Variants in CCDC136 observed in about 807,000 individuals in gnomAD.
CCDC136 encodes the protein coiled-coil domain-containing protein 136.
A neutral mutation model predicts 141.2 loss-of-function variants in CCDC136; 100 were observed. The ratio of observed to expected loss-of-function variants is 0.71; its 90% confidence interval spans 0.60 to 0.84. The LOEUF (loss-of-function observed/expected upper bound fraction) is 0.84. CCDC136 is among the 40% of genes least tolerant of loss of function. The pLI, the probability that CCDC136 is intolerant of heterozygous loss-of-function variation, is 0.00. For synonymous variants in CCDC136, 474 were observed against 531.9 expected, an observed-to-expected ratio of 0.89 and a Z score of 1.50; for missense variants, 1,206 against 1,379.4, an observed-to-expected ratio of 0.87 and a Z score of 1.99.
chr7:128,791,220 GCCCCGCGGCT>G (rs1802121433), upstream of CCDC136, among the ~76,000 whole-genome samples: 1 of 152,154 alleles, frequency 6.6e-6, no homozygotes, highest in Non-Finnish European at 1.5e-5. The surrounding 1 kb of genome is among the most constrained non-coding windows in gnomAD (Gnocchi z 7.1). Context: ...CGCTGTCCGG[GCCCCGCGGCT>G]CCCCGCGCTC....
chr7:128,809,242 G>A, intron 10 of CCDC136: 1 of 525,814 alleles, frequency 1.9e-6, no homozygotes, highest in South Asian at 2.5e-5. Flanking sequence ...CCAGTCTAGA[G>A]CAACCTGCTC....
Position 128,795,404 on chromosome 7 carries a change from G to C in CCDC136, c.346+636G>C, listed in dbSNP as rs917191142. Among the ~76,000 whole-genome samples, 7 of 152,178 alleles carry C rather than the reference G, an allele frequency of 4.6e-5. No individual in the cohort carries two copies. In the Middle Eastern group the frequency reaches 0.01, roughly 222 times the overall value. Reference sequence around the variant, plus strand: ...CTTTTGTTACTTCTGTGGGCCTCCGGAAGGTTTAGGGGAGCTGCCCTAGAA... The same window carrying C: ...CTTTTGTTACTTCTGTGGGCCTCCGCAAGGTTTAGGGGAGCTGCCCTAGAA... On this transcript the variant is annotated intron_variant, in intron 3 of 17. Transcript: ENST00000297788.
At position 128,805,437 on chromosome 7, in the gene CCDC136, G is replaced by T; in HGVS notation, c.861G>T (p.Met287Ile). 6.2e-7 allele frequency: 1 copy of T among 1,613,926 alleles called. No individual in the cohort carries two copies. The highest frequency in any genetic ancestry group is 8.5e-7 in the Non-Finnish European group (1 of 1,179,838). ...CAGCAGAGTCTCAGACTTCAGAAATGGATTTCTTAGAGCCTGATCCTGAAA... is the reference window on the plus strand; with the variant it reads ...CAGCAGAGTCTCAGACTTCAGAAATTGATTTCTTAGAGCCTGATCCTGAAA... ...MTSAESQTSEMDFLEPDPEMQ... is the reference protein window; with the variant it reads ...MTSAESQTSEIDFLEPDPEMQ... The change falls in exon 6 of 18, where the codon ATG becomes ATT. Residue 287 changes from methionine (M) to isoleucine (I), a missense_variant. Met to Ile is a conservative substitution (Grantham distance 10). Transcript: ENST00000297788. This position sits in a 1 kb window ranked among gnomAD's most constrained non-coding sequence, Gnocchi z 4.6.
rs578036036 is a variant in CCDC136 at position 128,806,732 on chromosome 7, C to A, written c.1293C>A (p.Asn431Lys). The A allele has an allele frequency of 1.7e-5, 27 of 1,611,516 alleles. No individual in the cohort carries two copies. The highest frequency in any genetic ancestry group is 2.3e-5 in the Non-Finnish European group (27 of 1,179,420). Residue 431 changes from asparagine to lysine, a missense_variant, in exon 9 of 18, where the codon AAC (asparagine) becomes AAA (lysine). Physicochemically the swap from Asn to Lys is moderately conservative, Grantham distance 94 (BLOSUM62 0). Transcript: ENST00000297788. The stretch of plus-strand genomic sequence containing the variant: ...AGAAGCTGCACCTCCAGCACCAGAA[C>A]GTCACATGTGAGAAGGAAAAGCTGC... ...RLQKLHLQHQ[N>K]VTCEKEKLLE...
At position 128,805,985 on chromosome 7, in the gene CCDC136, G is replaced by A; in HGVS notation, c.1089+84G>A. 2 of 1,484,452 alleles carry A rather than the reference G, an allele frequency of 1.3e-6. No homozygotes were observed. Among genetic ancestry groups the A allele is most frequent in the Non-Finnish European group, 1.9e-6 (2 of 1,073,686 alleles). The allele number at this position is 1,484,452 out of a possible 1,614,324, so 92.0% of individuals were successfully genotyped here. On this transcript the variant is annotated intron_variant, in intron 7 of 17. Transcript: ENST00000297788. The surrounding 1 kb of genome is among the most constrained non-coding windows in gnomAD (Gnocchi z 4.6). ...GCTTCAACCGGGGTGGGCACAGTGA[G>A]TATGGCTGTGCTCTGCTGACTCTTG...
chr7:128,806,666 C>T (rs1229934267), intron 8 of CCDC136, 22 bp from the exon 9 acceptor site: 1 of 1,601,994 alleles, frequency 6.2e-7, no homozygotes, highest in East Asian at 2.2e-5. Flanking sequence ...AAAGGCACTG[C>T]CCAAAGCCCC....
chr7:128,799,172 T>TA (rs35342890), intron 3 of CCDC136, among the ~76,000 whole-genome samples: 5,106 of 51,306 alleles, frequency 0.1, 512 homozygotes, highest in African/African-American at 0.14. Flanking sequence ...ATCTCTACAT[T>TA]AAAAAAAAAA....
upstream of CCDC136, chr7:128,791,861 C>A (rs528426230): frequency 1.0e-5 from 4 of 389,400 alleles, no homozygotes; most frequent in South Asian, 2.9e-4. This position sits in a 1 kb window ranked among gnomAD's most constrained non-coding sequence, Gnocchi z 7.1. Flanking sequence ...GACTCCTGAG[C>A]GCGGGGCGAG....
rs1173046607 is a variant in CCDC136 at position 128,815,784 on chromosome 7, T to C, written c.3216T>C (p.Ala1072=). The C allele has an allele frequency of 1.3e-6, 2 of 1,585,832 alleles. No homozygotes were observed. The highest frequency in any genetic ancestry group is 1.7e-6 in the Non-Finnish European group (2 of 1,166,596). Reference sequence around the variant, plus strand: ...CTGAGCCAGCAGATCCTGAGGAAGCTAAATCCACAGAAGATCAGGAGGAAA... The same window carrying C: ...CTGAGCCAGCAGATCCTGAGGAAGCCAAATCCACAGAAGATCAGGAGGAAA... ...LVAEPADPEE[A]KSTEDQEENE... The change falls in exon 16 of 18, where the codon GCT becomes GCC. Residue 1072 remains alanine (A), a synonymous_variant. Transcript: ENST00000297788.
Position 128,804,735 on chromosome 7 carries a change from G to GCAGCTTGCAGATCTGGAGAGTGAGAGGTA in CCDC136, c.762_782+8dup. The GCAGCTTGCAGATCTGGAGAGTGAGAGGTA allele has an allele frequency of 1.3e-6, 2 of 1,599,064 alleles. No individual in the cohort carries two copies. The highest frequency in any genetic ancestry group is 1.7e-6 in the Non-Finnish European group (2 of 1,172,590). On this transcript the variant is annotated frameshift_variant, in exon 5 of 18. Coordinates refer to ENST00000297788, the MANE Select transcript of CCDC136 (RefSeq NM_022742.5). LOFTEE classifies it high-confidence loss of function. ...AGGAGAGCAACAGCAGCCTCACGGG[G>GCAGCTTGCAGATCTGGAGAGTGAGAGGTA]CAGCTTGCAGATCTGGAGAGTGAGA... is the stretch of plus-strand genomic sequence containing the variant.
chr7:128,810,441 G>C, intron 12 of CCDC136, 75 bp downstream of exon 12: 1 of 1,114,624 alleles, frequency 9.0e-7, no homozygotes, highest in Admixed American at 2.1e-5. Context: ...CACCGCCGAA[G>C]GGTCAGAGTT....
chr7:128,812,011 G>A lies in CCDC136; in HGVS notation c.2240G>A (p.Ser747Asn), dbSNP rs1466185773. The A allele has an allele frequency of 6.2e-7, 1 of 1,613,904 alleles. No homozygotes were observed. The stretch of plus-strand genomic sequence containing the variant: ...ATGAGCCTTGAGTCCTACGGGAAGA[G>A]CTATGGTAGCATGGTCCCCAGCAAT... ...IKMSLESYGK[S>N]YGSMVPSNEN... is the part of the protein sequence containing the mutation. Residue 747 changes from serine (S) to asparagine (N), a missense_variant, in exon 13 of 18, where the codon AGC (serine) becomes AAC (asparagine). By Grantham distance (46) the Ser-to-Asn change is conservative (BLOSUM62 1). Coordinates refer to ENST00000297788, the MANE Select transcript of CCDC136 (RefSeq NM_022742.5).
rs1802580786 is a variant in CCDC136, at chr7:128,794,022, C to G, written c.17-326C>G. Reference sequence around the variant, plus strand: ...TTTCTTGACTACTTGTCCTGCTACTCAGAGGCCAGCCTAGAAGAAGCAGGT... The same window carrying G: ...TTTCTTGACTACTTGTCCTGCTACTGAGAGGCCAGCCTAGAAGAAGCAGGT... On this transcript the variant is annotated intron_variant, in intron 1 of 17. Coordinates refer to ENST00000297788, the MANE Select transcript of CCDC136 (RefSeq NM_022742.5). This position sits in a 1 kb window ranked among gnomAD's most constrained non-coding sequence, Gnocchi z 4.3. Among the ~76,000 whole-genome samples, 1 of 152,234 alleles carries G rather than the reference C, an allele frequency of 6.6e-6. No homozygotes were observed. The highest frequency in any genetic ancestry group is 1.5e-5 in the Non-Finnish European group (1 of 68,040).
chr7:128,810,068 C>T (rs919056476), intron 11 of CCDC136, 71 bp from the exon 12 acceptor site: 23 of 893,126 alleles, frequency 2.6e-5, no homozygotes, highest in African/African-American at 5.1e-5. Context: ...GGGGATGAGG[C>T]ACCAAGGAGG....
rs753369540 is a variant in CCDC136, at chr7:128,809,233, C to T, written c.1606-217C>T. 6.4e-4 allele frequency: 299 copies of T among 469,980 alleles called. 1 individual carries two copies. The Middle Eastern group carries it at 7.4e-3, about 12-fold the overall frequency. 29.1% of individuals were successfully genotyped at this position (469,980 alleles called of 1,614,324 possible). On this transcript the variant is annotated intron_variant, in intron 10 of 17. Coordinates refer to ENST00000297788, the MANE Select transcript of CCDC136 (RefSeq NM_022742.5). Reference sequence around the variant, plus strand: ...GGAAGTTTAGAGCAAGGCCAGCCACCAGTCTAGAGCAACCTGCTCTGAAGG... The same window carrying T: ...GGAAGTTTAGAGCAAGGCCAGCCACTAGTCTAGAGCAACCTGCTCTGAAGG...
chr7:128,792,058 G>T lies in CCDC136; in HGVS notation c.-354G>T, dbSNP rs1802254891. On this transcript the variant is annotated 5_prime_UTR_variant, in exon 1 of 18. Transcript: ENST00000297788. The stretch of plus-strand genomic sequence containing the variant: ...TGGCCCTCTCCTCCCTGTCCCCCCG[G>T]ACTAAATACGCACACCCCCTCTTTC... 7.7e-7 allele frequency: 1 copy of T among 1,290,692 alleles called. No homozygotes were observed. Among genetic ancestry groups the T allele is most frequent in the African/African-American group, 1.6e-5 (1 of 64,462 alleles). The allele number at this position is 1,290,692 out of a possible 1,614,324, so 80.0% of individuals were successfully genotyped here. A position where few individuals can be genotyped will look rare whatever the true frequency, so the allele number is the denominator to read the frequency against.
At position 128,806,823 on chromosome 7, in the gene CCDC136, G is replaced by A. The variant is rs1357992110; in HGVS notation, c.1384G>A (p.Asp462Asn). 1 of 1,612,308 alleles carries A rather than the reference G, an allele frequency of 6.2e-7. No homozygotes were observed. Among genetic ancestry groups the A allele is most frequent in the South Asian group, 1.1e-5 (1 of 90,840 alleles). ...TGAGGCAGAGCTGCAGCACCTCAGG[G>A]ATACGGTGGCCTCCTTCAAAGAGAG... is the stretch of plus-strand genomic sequence containing the variant. ...CHEAELQHLR[D>N]TVASFKESNE... Residue 462 changes from aspartate (D) to asparagine (N), a missense_variant, in exon 9 of 18, where the codon GAT becomes AAT. Asp to Asn is a conservative substitution (Grantham distance 23). Coordinates refer to ENST00000297788, the MANE Select transcript of CCDC136 (RefSeq NM_022742.5).
At position 128,821,365 on chromosome 7, in the gene CCDC136, T is replaced by C. The variant is rs1348395561; in HGVS notation, c.*6-434T>C. Among the ~76,000 whole-genome samples, 1 of 152,170 alleles carries C rather than the reference T, an allele frequency of 6.6e-6. No homozygotes were observed. Among genetic ancestry groups the C allele is most frequent in the East Asian group, 1.9e-4 (1 of 5,200 alleles). On this transcript the variant is annotated intron_variant, in intron 17 of 17. Transcript: ENST00000297788. This position sits in a 1 kb window ranked among gnomAD's most constrained non-coding sequence, Gnocchi z 5.1. ...CTTTCTTCATTTCCCCTCAGCCTTA[T>C]TCCCCCTTCCCCATCCTCTTGACTC...
In CCDC136 at chr7:128,817,648, T is replaced by G. The variant is rs934816368; in HGVS notation, c.3364-110T>G. 4.7e-5 allele frequency: 41 copies of G among 865,304 alleles called. No individual in the cohort carries two copies. The Admixed American group carries it at 6.5e-4, about 14-fold the overall frequency. 53.6% of individuals were successfully genotyped at this position (865,304 alleles called of 1,614,324 possible). ...CCTGTTTTTTAACCTCTTGATTCCT[T>G]TCTCTTTTCCCTTTGTTTTCTCATC... On this transcript the variant is annotated intron_variant, in intron 16 of 17. Coordinates refer to ENST00000297788, the MANE Select transcript of CCDC136 (RefSeq NM_022742.5). The surrounding 1 kb of genome is among the most constrained non-coding windows in gnomAD (Gnocchi z 4.6).
Sources: gnomAD v4.1 joint callset for allele counts (sites outside exome capture counted in the v4.1 genomes callset) on GRCh38, gnomAD v4.1.1 for gene constraint, Gnocchi (gnomAD v3.1) non-coding constraint, MANE v1.5 for transcripts, NCBI Gene and HGNC (gene_info 2026-07-23, HGNC 2026-07-21) for gene names.